FAM107B: variants seen among roughly 807,000 people sequenced by gnomAD.
The protein encoded by FAM107B is protein FAM107B.
A neutral mutation model predicts 31.5 loss-of-function variants in FAM107B; 21 were observed. That is an observed-to-expected ratio of 0.67 (90% CI 0.47 to 0.96). FAM107B has a LOEUF of 0.96. Ranked by LOEUF, FAM107B falls within the 40% of genes least tolerant of loss-of-function variation. The pLI is 0.00. For synonymous variants in FAM107B, 157 were observed against 141.5 expected, an observed-to-expected ratio of 1.11 and a Z score of -0.78; for missense variants, 452 against 377.1, an observed-to-expected ratio of 1.20 and a Z score of -1.64.
rs188552406 is a variant in FAM107B, at chr10:14,699,890, G to A, written c.412-32199C>T. Among the ~76,000 whole-genome samples, 10 of 152,300 alleles carry A rather than the reference G, an allele frequency of 6.6e-5. No individual in the cohort carries two copies. The East Asian group carries it at 7.7e-4, about 12-fold the overall frequency. On this transcript the variant is annotated intron_variant, in intron 1 of 4. Transcript: ENST00000181796. ...CTGGGTTGGCCTGTGGAGCGCCAGC[G>A]AGTGCAGGGGATAGTGAAGAGTCAC...
intron 2 of FAM107B, among the ~76,000 whole-genome samples, chr10:14,579,052 A>T (rs1327495696): frequency 6.6e-6 from 1 of 152,250 alleles, no homozygotes; most frequent in Non-Finnish European, 1.5e-5. Context: ...CAAGCCTCTC[A>T]GGAAAATTCC....
chr10:14,762,079 T>G (rs1299681378), intron 1 of FAM107B, among the ~76,000 whole-genome samples: 1 of 152,162 alleles, frequency 6.6e-6, no homozygotes, highest in Non-Finnish European at 1.5e-5. Context: ...CAGTTGCACC[T>G]GGAGTGGTTC....
chr10:14,656,209 T>C (rs529350821), intron 2 of FAM107B, among the ~76,000 whole-genome samples: 68 of 152,248 alleles, frequency 4.5e-4, no homozygotes, highest in African/African-American at 1.5e-3. Flanking sequence ...CAGGAAACAC[T>C]GAGGAGTAGA....
intron 2 of FAM107B, among the ~76,000 whole-genome samples, chr10:14,573,103 T>A (rs1016035804): frequency 2.0e-5 from 3 of 152,118 alleles, no homozygotes; most frequent in African/African-American, 7.2e-5. Context: ...AGACACCAGC[T>A]ACCTCCCAGT....
Position 14,762,741 on chromosome 10 carries a change from G to A in FAM107B, c.411+11512C>T, listed in dbSNP as rs190857448. 1.6e-3 allele frequency among the ~76,000 whole-genome samples: 224 copies of A among 144,200 alleles called. 1 individual carries two copies. The highest frequency in any genetic ancestry group is 3.5e-3 in the Middle Eastern group (1 of 282). 94.6% of individuals were successfully genotyped at this position (144,200 alleles called of 152,430 possible). A position where few individuals can be genotyped will look rare whatever the true frequency, so the allele number is the denominator to read the frequency against. Reference sequence around the variant, plus strand: ...ACTGCACTACAGCCTGGGAGACAGAGTGAAACTCTGTCTCACACACACACA... The same window carrying A: ...ACTGCACTACAGCCTGGGAGACAGAATGAAACTCTGTCTCACACACACACA... On this transcript the variant is annotated intron_variant, in intron 1 of 4. Coordinates refer to ENST00000181796, the MANE Select transcript of FAM107B (RefSeq NM_031453.4).
chr10:14,527,287 C>T (rs1846374761), intron 3 of FAM107B, among the ~76,000 whole-genome samples: 1 of 151,992 alleles, frequency 6.6e-6, no homozygotes, highest in Non-Finnish European at 1.5e-5. Flanking sequence ...GACCTAGAGG[C>T]TTCAAAGACT....
At chr10:14,766,347 G>T (rs1721033795) in intron 1 of FAM107B, among the ~76,000 whole-genome samples, 1 of 152,196 alleles carries the variant, frequency 6.6e-6, no homozygotes, top group Non-Finnish European at 1.5e-5. Flanking sequence ...GTTATTTGCA[G>T]CATGAGTTCT....
intron 2 of FAM107B, chr10:14,654,059 G>C (rs1419922326): frequency 2.0e-5 from 3 of 151,296 alleles, no homozygotes; most frequent in African/African-American, 7.3e-5. Context: ...TGCCTGCAGG[G>C]GCCAGGCAGG....
chr10:14,720,592 G>T lies in FAM107B; in HGVS notation c.412-52901C>A, dbSNP rs1005783395. ...TTTAAAGTAAATTTTAAAAGTTGTA[G>T]GGCTTTATCAGCTCCAATTCATCAA... On this transcript the variant is annotated intron_variant, in intron 1 of 4. Coordinates refer to ENST00000181796, the MANE Select transcript of FAM107B (RefSeq NM_031453.4). 1.2e-4 allele frequency among the ~76,000 whole-genome samples: 18 copies of T among 152,224 alleles called. No individual in the cohort carries two copies. In the East Asian group the frequency reaches 3.5e-3, roughly 29 times the overall value.
In FAM107B at chr10:14,660,877, T is replaced by C. The variant is rs1381558624; in HGVS notation, c.469+6757A>G. Among the ~76,000 whole-genome samples, 5 of 152,308 alleles carry C rather than the reference T, an allele frequency of 3.3e-5. No individual in the cohort carries two copies. In the East Asian group the frequency reaches 9.6e-4, roughly 29 times the overall value. ...AGAGATGCTACCCAGGTCATGAGGT[T>C]TGGATTTGTGTCCTTCCCCAAACCT... is the stretch of plus-strand genomic sequence containing the variant. On this transcript the variant is annotated intron_variant, in intron 2 of 4. Transcript: ENST00000181796.
At chr10:14,598,852 C>G (rs1852272773) in intron 2 of FAM107B, among the ~76,000 whole-genome samples, 1 of 152,192 alleles carries the variant, frequency 6.6e-6, no homozygotes. Context: ...GGCGACCTCA[C>G]AGATGAGAAT....
intron 1 of FAM107B, among the ~76,000 whole-genome samples, chr10:14,706,972 A>C (rs1024324251): frequency 6.6e-6 from 1 of 151,796 alleles, no homozygotes; most frequent in African/African-American, 2.4e-5. Flanking sequence ...TAAAAATAGA[A>C]AAATTAGCAG....
chr10:14,568,060 A>C (rs894972242), intron 2 of FAM107B, among the ~76,000 whole-genome samples: 1 of 152,228 alleles, frequency 6.6e-6, no homozygotes, highest in Non-Finnish European at 1.5e-5. Flanking sequence ...ACTGTGAGCC[A>C]GGGGCCAAAA....
intron 2 of FAM107B, among the ~76,000 whole-genome samples, chr10:14,614,583 G>C (rs11591568): frequency 0.37 from 55,028 of 149,882 alleles, 10,603 homozygotes; most frequent in Middle Eastern, 0.42. Flanking sequence ...TGAGACAGGA[G>C]AATTGCTTGA....
intron 2 of FAM107B, among the ~76,000 whole-genome samples, chr10:14,558,414 C>G (rs1191884891): frequency 6.6e-6 from 1 of 152,210 alleles, no homozygotes; most frequent in East Asian, 1.9e-4. Flanking sequence ...AAAATAATTC[C>G]TTGACCTTCC....
intron 2 of FAM107B, among the ~76,000 whole-genome samples, chr10:14,597,668 G>A (rs1331205656): frequency 6.6e-6 from 1 of 152,178 alleles, no homozygotes; most frequent in African/African-American, 2.4e-5. Context: ...CTGAGTTGAG[G>A]CCAGGCACGG....
chr10:14,712,572 G>A (rs1213410108), intron 1 of FAM107B, among the ~76,000 whole-genome samples: 2 of 150,288 alleles, frequency 1.3e-5, no homozygotes, highest in African/African-American at 4.9e-5. Context: ...CCAGCCTGGG[G>A]GATAGAATGT....
At chr10:14,632,897 T>C (rs1202143576) in intron 2 of FAM107B, among the ~76,000 whole-genome samples, 1 of 151,622 alleles carries the variant, frequency 6.6e-6, no homozygotes, top group Non-Finnish European at 1.5e-5. Flanking sequence ...TGAGCAATGA[T>C]TTAAAATCAT....
intron 2 of FAM107B, among the ~76,000 whole-genome samples, chr10:14,623,268 A>C (rs1191108377): frequency 1.3e-5 from 2 of 152,212 alleles, no homozygotes; most frequent in Non-Finnish European, 2.9e-5. Flanking sequence ...AAACAACTCA[A>C]TCAGTAGACA....
Sources: allele counts gnomAD v4.1 joint callset (sites outside exome capture counted in the v4.1 genomes callset), GRCh38; gene constraint gnomAD v4.1.1; transcripts MANE v1.5; gene names NCBI Gene and HGNC (gene_info 2026-07-23, HGNC 2026-07-21).